Variants in RFC3 observed in about 807,000 individuals in gnomAD.
RFC3 encodes the protein replication factor C subunit 3.
RFC3 carries 41 observed loss-of-function variants against 45.1 expected under a neutral mutation model. The observed-to-expected ratio is 0.91, with a 90% CI of 0.71 to 1.18. The LOEUF (loss-of-function observed/expected upper bound fraction) is 1.18, where lower values mean the gene tolerates loss of function less well. Ranked by LOEUF, RFC3 falls within the 50% of genes most tolerant of loss-of-function variation. The probability of loss-of-function intolerance (pLI) is 0.00; values close to 1 mark genes in which losing one functional copy is unlikely to be tolerated. For synonymous variants in RFC3, 149 were observed against 144.0 expected, an observed-to-expected ratio of 1.03 and a Z score of -0.25; for missense variants, 423 against 428.1, an observed-to-expected ratio of 0.99 and a Z score of 0.10.
intron 8 of RFC3, among the ~76,000 whole-genome samples, chr13:33,900,540 A>G (rs2082633890): frequency 6.7e-6 from 1 of 148,972 alleles, no homozygotes; most frequent in African/African-American, 2.6e-5. Context: ...AAAACGTATT[A>G]AGACCTGTAT....
Position 33,837,192 on chromosome 13 carries a change from CA to C in RFC3, c.*902del, listed in dbSNP as rs34518580. ...AATCAAGGTATAGATGCCGTCACCC[CA>C]AAAAGTTCCCTCCATATCCCTTTGC... On this transcript the variant is annotated 3_prime_UTR_variant, in exon 9 of 9. Coordinates refer to ENST00000380071, the MANE Select transcript of RFC3 (RefSeq NM_002915.4). The C allele has an allele frequency of 3.0e-6, 1 of 333,576 alleles. No individual in the cohort carries two copies. The highest frequency in any genetic ancestry group is 4.3e-6 in the Non-Finnish European group (1 of 234,434). The allele number at this position is 333,576 out of a possible 1,614,324, so 20.7% of individuals were successfully genotyped here.
At chr13:33,834,085 A>G (rs1219728325) in intron 7 of RFC3, among the ~76,000 whole-genome samples, 1 of 151,490 alleles carries the variant, frequency 6.6e-6, no homozygotes, top group Non-Finnish European at 1.5e-5. Context: ...TAAATGGGCT[A>G]GTGTAAGTAC....
intron 8 of RFC3, among the ~76,000 whole-genome samples, chr13:33,925,606 A>G (rs1332610139): frequency 6.6e-6 from 1 of 150,692 alleles, no homozygotes; most frequent in Non-Finnish European, 1.5e-5. Context: ...ATACATACAT[A>G]TATAGTGTAC....
intron 8 of RFC3, among the ~76,000 whole-genome samples, chr13:33,856,865 A>T (rs892845354): frequency 2.0e-5 from 3 of 152,120 alleles, no homozygotes; most frequent in African/African-American, 7.2e-5. Flanking sequence ...AATTACTATG[A>T]CTTGAAAGGC....
At chr13:33,906,890 G>A (rs2082675101) in intron 8 of RFC3, among the ~76,000 whole-genome samples, 1 of 152,026 alleles carries the variant, frequency 6.6e-6, no homozygotes, top group Non-Finnish European at 1.5e-5. Flanking sequence ...GTGCAGTGAA[G>A]TAATCATGGT....
the RFC3 span, among the ~76,000 whole-genome samples, chr13:33,972,261 T>C: frequency 6.6e-6 from 1 of 152,244 alleles, no homozygotes; most frequent in Non-Finnish European, 1.5e-5. Context: ...AGTTTACCTT[T>C]ATTACAGCCC....
At chr13:33,900,534 C>T (rs74543262) in intron 8 of RFC3, among the ~76,000 whole-genome samples, 9 of 151,166 alleles carry the variant, frequency 6.0e-5, no homozygotes, top group Admixed American at 6.6e-5. Context: ...GAAAAAAAAA[C>T]GTATTAAGAC....
At chr13:33,950,295 G>T (rs1172825684) in intron 8 of RFC3, among the ~76,000 whole-genome samples, 1 of 152,094 alleles carries the variant, frequency 6.6e-6, no homozygotes, top group Admixed American at 6.5e-5. Context: ...TAGCAGTAAA[G>T]AATAAAATGA....
chr13:33,860,692 G>T (rs1254677858), intron 8 of RFC3, among the ~76,000 whole-genome samples: 1 of 152,168 alleles, frequency 6.6e-6, no homozygotes, highest in Non-Finnish European at 1.5e-5. Flanking sequence ...AATGAACCGT[G>T]TTATATTTCT....
intron 8 of RFC3, among the ~76,000 whole-genome samples, chr13:33,901,596 A>G (rs2082642288): frequency 6.6e-6 from 1 of 152,038 alleles, no homozygotes; most frequent in Non-Finnish European, 1.5e-5. Context: ...ATATGACCTG[A>G]TAGAAAAAAT....
At chr13:33,835,692 A>G (rs1432313588) in intron 8 of RFC3, among the ~76,000 whole-genome samples, 3 of 152,154 alleles carry the variant, frequency 2.0e-5, no homozygotes, top group South Asian at 2.1e-4. Context: ...TCATGACCAT[A>G]TGTATAGATT....
chr13:33,919,192 G>C (rs950143621), intron 8 of RFC3, among the ~76,000 whole-genome samples: 2 of 152,046 alleles, frequency 1.3e-5, no homozygotes, highest in African/African-American at 4.8e-5. Context: ...GTACATTCAT[G>C]GGCGCAGTCA....
chr13:33,908,543 T>A (rs991119354), intron 8 of RFC3, among the ~76,000 whole-genome samples: 16 of 151,622 alleles, frequency 1.1e-4, no homozygotes, highest in African/African-American at 3.6e-4. Flanking sequence ...GGTTTGTTAG[T>A]CTGTATTCTA....
chr13:33,893,604 G>C (rs1414427260), intron 8 of RFC3, among the ~76,000 whole-genome samples: 2 of 151,844 alleles, frequency 1.3e-5, no homozygotes, highest in Non-Finnish European at 2.9e-5. Flanking sequence ...GCAGTTGTAA[G>C]GAAACTCAGC....
chr13:33,833,280 G>A (rs3135621), intron 7 of RFC3, among the ~76,000 whole-genome samples: 2 of 151,898 alleles, frequency 1.3e-5, no homozygotes, highest in South Asian at 2.1e-4. Flanking sequence ...GAATAGCAGC[G>A]AATATTTCAT....
chr13:33,862,290 G>A (rs1455915341), intron 8 of RFC3, among the ~76,000 whole-genome samples: 1 of 99,628 alleles, frequency 1.0e-5, no homozygotes, highest in Non-Finnish European at 2.1e-5. Context: ...ACTTTATTTA[G>A]GTTTTATGCA....
chr13:33,894,901 G>A (rs563355753), intron 8 of RFC3, among the ~76,000 whole-genome samples: 1 of 151,966 alleles, frequency 6.6e-6, no homozygotes, highest in Non-Finnish European at 1.5e-5. Context: ...AAACATAAAT[G>A]GGGGAAAGGA....
At chr13:33,964,608 T>C (rs1353277044) in intron 8 of RFC3, among the ~76,000 whole-genome samples, 1 of 152,258 alleles carries the variant, frequency 6.6e-6, no homozygotes, top group Non-Finnish European at 1.5e-5. Context: ...CTAACTGGGC[T>C]GTCTGCCTCC....
At chr13:33,931,685 G>A (rs1457607390) in intron 8 of RFC3, among the ~76,000 whole-genome samples, 8 of 152,034 alleles carry the variant, frequency 5.3e-5, no homozygotes, top group Non-Finnish European at 1.0e-4. Context: ...CTGAAGTCTG[G>A]TAGTGGAAAT....
Sources: gnomAD v4.1 joint callset for allele counts (sites outside exome capture counted in the v4.1 genomes callset) on GRCh38, gnomAD v4.1.1 for gene constraint, MANE v1.5 for transcripts, NCBI Gene and HGNC (gene_info 2026-07-23, HGNC 2026-07-21) for gene names.